The following ZNF518A variants were observed in gnomAD, a reference collection of about 807,000 sequenced individuals.
The protein encoded by ZNF518A is zinc finger protein 518.
In ZNF518A, 47 loss-of-function variants were observed where a neutral mutation model predicts 102.7. The observed-to-expected ratio is 0.46, with a 90% confidence interval of 0.36 to 0.58. The LOEUF (loss-of-function observed/expected upper bound fraction) is 0.58, where lower values mean the gene tolerates loss of function less well. Among genes scored for constraint, ZNF518A ranks in the 20% least tolerant of loss-of-function variants. The pLI is 0.00. For synonymous variants in ZNF518A, 652 were observed against 594.6 expected (o/e 1.10, Z -1.40); for missense variants, 1,793 against 1,699.8 (o/e 1.05, Z -0.96).
chr10:96,181,290 T>C (rs2083238706), intron 1 of ZNF518A, among the ~76,000 whole-genome samples: 1 of 152,240 alleles, frequency 6.6e-6, no homozygotes, highest in South Asian at 2.1e-4. Flanking sequence ...TCCCATTCTG[T>C]AGGTTGCCTG....
At chr10:96,189,696 A>AG in intron 1 of ZNF518A, 1 of 705,346 alleles carries the variant, frequency 1.4e-6, no homozygotes, top group South Asian at 1.4e-5. Flanking sequence ...CCTCATCATC[A>AG]AAATCATCAT....
chr10:96,175,841 C>T (rs1305738327), intron 1 of ZNF518A, among the ~76,000 whole-genome samples: 5 of 152,066 alleles, frequency 3.3e-5, no homozygotes, highest in African/African-American at 1.2e-4. Context: ...CTCCTTGCAG[C>T]TGAATTACAA....
chr10:96,153,252 C>G (rs782085836), intron 3 of ZNF518A, among the ~76,000 whole-genome samples: 74 of 152,238 alleles, frequency 4.9e-4, no homozygotes, highest in Non-Finnish European at 9.6e-4. Flanking sequence ...GTCAAGGCCC[C>G]TGGCCGGTTG....
chr10:96,192,565 A>C (rs587684053), intron 1 of ZNF518A, among the ~76,000 whole-genome samples: 2 of 152,298 alleles, frequency 1.3e-5, no homozygotes, highest in South Asian at 4.1e-4. Flanking sequence ...TTTTTTAAAC[A>C]AATAAAGAAA....
rs782075574 is a variant in ZNF518A, at chr10:96,158,849, C to T, written c.2527C>T (p.Pro843Ser). The T allele has an allele frequency of 1.9e-6, 3 of 1,613,770 alleles. No homozygotes were observed. Among genetic ancestry groups the T allele is most frequent in the Admixed American group, 1.7e-5 (1 of 59,988 alleles). ...AGTGCAAGGCATCTTCCCAGTTCCA[C>T]CTGGCAGTGTGGGTATTAATGTGCC... Reference protein sequence around the residue: ...FKVQGIFPVPPGSVGINVPTN... With the variant: ...FKVQGIFPVPSGSVGINVPTN... Residue 843 changes from proline to serine, a missense_variant, in exon 6 of 6, where the codon CCT becomes TCT. Pro to Ser is a moderately conservative substitution (Grantham distance 74). Coordinates refer to ENST00000316045, the MANE Select transcript of ZNF518A (RefSeq NM_001330736.2).
intron 1 of ZNF518A, among the ~76,000 whole-genome samples, chr10:96,185,130 G>T (rs1025435602): frequency 6.6e-6 from 1 of 152,076 alleles, no homozygotes; most frequent in African/African-American, 2.4e-5. Flanking sequence ...CGTAGTTCTC[G>T]TGCCATGGTT....
chr10:96,132,485 T>G (rs1554872430), intron 1 of ZNF518A, 101 bp from the exon 2 acceptor site: 1 of 151,482 alleles, frequency 6.6e-6, no homozygotes, highest in African/African-American at 2.4e-5. Flanking sequence ...TTAGTTTTTT[T>G]TTTTTTTTTT....
chr10:96,158,392 CT>C lies in ZNF518A; in HGVS notation c.2071del (p.Ser691GlnfsTer7). 6.2e-7 allele frequency: 1 copy of C among 1,613,564 alleles called. No homozygotes were observed. Among genetic ancestry groups the C allele is most frequent in the Non-Finnish European group, 8.5e-7 (1 of 1,179,732 alleles). ...TTTTATCACTAGTGAGGCAGGAGAG[CT>C]CAAAACCAGATAGCCTATTAGCATC... ...SFLSLVRQESSKPDSLLASIS... is the reference protein window; with the variant it reads ...SFLSLVRQESXKPDSLLASIS... On this transcript the variant is annotated frameshift_variant, in exon 6 of 6. Transcript: ENST00000316045. LOFTEE classifies it high-confidence loss of function.
intron 1 of ZNF518A, chr10:96,203,525 G>A (rs1554896715): frequency 6.6e-6 from 1 of 151,804 alleles, no homozygotes; most frequent in Non-Finnish European, 1.5e-5. Context: ...ATTAAGGTTT[G>A]GGCAGTTACG....
chr10:96,185,020 T>C (rs2083262729), intron 1 of ZNF518A, among the ~76,000 whole-genome samples: 1 of 152,190 alleles, frequency 6.6e-6, no homozygotes, highest in Admixed American at 6.5e-5. Flanking sequence ...CTTTTTTCTC[T>C]AAACTTCTCT....
intron 1 of ZNF518A, among the ~76,000 whole-genome samples, chr10:96,172,955 C>G (rs587618964): frequency 2.0e-5 from 3 of 152,234 alleles, no homozygotes; most frequent in Non-Finnish European, 4.4e-5. Context: ...TTCAATCAAT[C>G]ATGGATCAAA....
At chr10:96,135,328 T>C (rs370264079) in intron 3 of ZNF518A, 14 of 152,336 alleles carry the variant, frequency 9.2e-5, no homozygotes, top group African/African-American at 3.4e-4. Context: ...TTGTGAACTA[T>C]CCTGGTGTCC....
At chr10:96,191,550 A>C (rs2083330086) in intron 1 of ZNF518A, among the ~76,000 whole-genome samples, 1 of 152,156 alleles carries the variant, frequency 6.6e-6, no homozygotes, top group African/African-American at 2.4e-5. Flanking sequence ...CTACAAATTA[A>C]AATTTTAACC....
intron 3 of ZNF518A, among the ~76,000 whole-genome samples, chr10:96,143,128 GT>G (rs1554877189): frequency 2.0e-5 from 3 of 152,096 alleles, no homozygotes; most frequent in Non-Finnish European, 4.4e-5. Context: ...ACCTATGTAT[GT>G]TAACATTACC....
rs1554885752 is a variant in ZNF518A at position 96,159,257 on chromosome 10, G to T, written c.2935G>T (p.Val979Phe). ...SLFVNKKPGM[V>F]LTLNNGKLEG... ...TTTTGTAAACAAGAAACCTGGGATGGTTTTAACACTTAATAATGGGAAACT... is the reference window on the plus strand; with the variant it reads ...TTTTGTAAACAAGAAACCTGGGATGTTTTTAACACTTAATAATGGGAAACT... The change falls in exon 6 of 6, where the codon GTT becomes TTT. Residue 979 changes from valine (V) to phenylalanine (F), a missense_variant. By Grantham distance (50) the Val-to-Phe change is conservative (BLOSUM62 -1). This residue lies in a region of ZNF518A where 1,741 missense variants were observed against 1,622.6 expected (regional missense o/e 1.07). Coordinates refer to ENST00000316045, the MANE Select transcript of ZNF518A (RefSeq NM_001330736.2). The T allele has an allele frequency of 1.2e-6, 2 of 1,613,602 alleles. No homozygotes were observed. Among genetic ancestry groups the T allele is most frequent in the Non-Finnish European group, 1.7e-6 (2 of 1,179,724 alleles).
chr10:96,133,897 C>T (rs184566218), intron 3 of ZNF518A, among the ~76,000 whole-genome samples: 3 of 152,256 alleles, frequency 2.0e-5, no homozygotes, highest in East Asian at 3.9e-4. Context: ...TGAGGTACCA[C>T]GTTATCGTTT....
intron 1 of ZNF518A, among the ~76,000 whole-genome samples, chr10:96,171,175 CT>C (rs1422204338): frequency 6.6e-6 from 1 of 152,172 alleles, no homozygotes; most frequent in African/African-American, 2.4e-5. Flanking sequence ...CCCAGAGCTG[CT>C]TCTCCTAAGT....
intron 1 of ZNF518A, among the ~76,000 whole-genome samples, chr10:96,187,641 T>C (rs1442201120): frequency 2.6e-5 from 4 of 152,184 alleles, no homozygotes; most frequent in Non-Finnish European, 5.9e-5. Flanking sequence ...AACTTGAAAA[T>C]CTTTCCTACT....
At position 96,157,958 on chromosome 10, in the gene ZNF518A, T is replaced by C. The variant is rs2082780707; in HGVS notation, c.1636T>C (p.Tyr546His). 2 of 1,613,704 alleles carry C rather than the reference T, an allele frequency of 1.2e-6. No individual in the cohort carries two copies. Among genetic ancestry groups the C allele is most frequent in the African/African-American group, 2.7e-5 (2 of 74,924 alleles). ...GAATAATATGCTTCAAACAATGGAT[T>C]ATGAGAAAAGTGTATCTTCTTTGTC... Reference protein sequence around the residue: ...QRNNMLQTMDYEKSVSSLSAT... With the variant: ...QRNNMLQTMDHEKSVSSLSAT... The change falls in exon 6 of 6, where the codon TAT (tyrosine) becomes CAT (histidine). Residue 546 changes from tyrosine to histidine, a missense_variant. This residue lies in a region of ZNF518A where 1,741 missense variants were observed against 1,622.6 expected (regional missense o/e 1.07). Transcript: ENST00000316045.
Sources: gnomAD v4.1 joint callset for allele counts (sites outside exome capture counted in the v4.1 genomes callset) on GRCh38, gnomAD v4.1.1 for gene constraint, gnomAD v4.1.1 regional missense constraint, MANE v1.5 for transcripts, NCBI Gene and HGNC (gene_info 2026-07-23, HGNC 2026-07-21) for gene names.